The following ACSS2 variants were observed in gnomAD, a reference collection of about 807,000 sequenced individuals.
ACSS2 encodes acetyl-coenzyme A synthetase, cytoplasmic.
In ACSS2, 58 loss-of-function variants were observed where a neutral mutation model predicts 90.6. The ratio of observed to expected loss-of-function variants is 0.64; its 90% CI spans 0.52 to 0.80. ACSS2 has a LOEUF of 0.80. ACSS2 is among the 30% of genes least tolerant of loss of function. ACSS2 has a pLI of 0.00. For synonymous variants in ACSS2, 300 were observed against 330.9 expected (o/e 0.91, Z 1.01); for missense variants, 759 against 912.0 (o/e 0.83, Z 2.16).
intron 15 of ACSS2, 77 bp from the exon 16 acceptor site, chr20:34,926,028 C>G: frequency 2.0e-6 from 3 of 1,505,068 alleles, no homozygotes; most frequent in Non-Finnish European, 9.2e-7. Context: ...ACCAGGACTG[C>G]CCCATGGGTA....
rs2081335052 is a variant in ACSS2 at position 34,927,005 on chromosome 20, G to A, written c.1978+54G>A. 3 of 1,613,956 alleles carry A rather than the reference G, an allele frequency of 1.9e-6. No homozygotes were observed. Among genetic ancestry groups the A allele is most frequent in the South Asian group, 1.1e-5 (1 of 91,078 alleles). ...ATGGGCTGAGGCCTGGTGGTGGTGGGGTGTGCGTGGATGAAAGCCTTTGGC... is the reference window on the plus strand; with the variant it reads ...ATGGGCTGAGGCCTGGTGGTGGTGGAGTGTGCGTGGATGAAAGCCTTTGGC... On this transcript the variant is annotated intron_variant, in intron 17 of 17. Coordinates refer to ENST00000360596, the MANE Select transcript of ACSS2 (RefSeq NM_018677.4). This position sits in a 1 kb window ranked among gnomAD's most constrained non-coding sequence, Gnocchi z 4.2.
chr20:34,924,360 T>C (rs1208456193), intron 14 of ACSS2, among the ~76,000 whole-genome samples: 1 of 152,026 alleles, frequency 6.6e-6, no homozygotes, highest in East Asian at 1.9e-4. Context: ...TTAAGAAAAA[T>C]AAACAGGGTA....
Position 34,927,699 on chromosome 20 carries a change from A to C in ACSS2, c.*485A>C, listed in dbSNP as rs527588046. On this transcript the variant is annotated 3_prime_UTR_variant, in exon 18 of 18. Transcript: ENST00000360596. This position sits in a 1 kb window ranked among gnomAD's most constrained non-coding sequence, Gnocchi z 4.2. ...GGGTCTGAATTCCCTTTTGTGCCAG[A>C]TGCCAGTACTGTCTGCCCATTGGCT... is the stretch of plus-strand genomic sequence containing the variant. 1.2e-5 allele frequency: 2 copies of C among 166,758 alleles called. No individual in the cohort carries two copies. The highest frequency in any genetic ancestry group is 3.1e-4 in the South Asian group (2 of 6,428). The allele number at this position is 166,758 out of a possible 1,614,324, so 10.3% of individuals were successfully genotyped here.
chr20:34,889,046 C>A (rs1418584178), intron 2 of ACSS2, among the ~76,000 whole-genome samples: 5 of 151,496 alleles, frequency 3.3e-5, no homozygotes, highest in Non-Finnish European at 7.4e-5. Context: ...GCTCTGTTGC[C>A]CAGGCTGGAA....
chr20:34,889,006 C>CTTT (rs71299220), intron 2 of ACSS2, among the ~76,000 whole-genome samples: 6 of 141,898 alleles, frequency 4.2e-5, no homozygotes, highest in Admixed American at 7.0e-5. Flanking sequence ...ACTAGACAAT[C>CTTT]TTTTTTTTTT....
intron 2 of ACSS2, among the ~76,000 whole-genome samples, chr20:34,896,949 G>C (rs1471234227): frequency 6.6e-6 from 1 of 151,992 alleles, no homozygotes; most frequent in Non-Finnish European, 1.5e-5. Flanking sequence ...AGAATTGCTT[G>C]AACCCGGGAG....
At chr20:34,902,393 G>A (rs2147037927) in intron 2 of ACSS2, among the ~76,000 whole-genome samples, 1 of 152,304 alleles carries the variant, frequency 6.6e-6, no homozygotes, top group Non-Finnish European at 1.5e-5. Flanking sequence ...AAAATAAGCA[G>A]TGTTATGATG....
chr20:34,913,896 G>A (rs2081020412), intron 5 of ACSS2, 71 bp downstream of exon 5: 1 of 1,508,922 alleles, frequency 6.6e-7, no homozygotes, highest in Admixed American at 1.7e-5. Context: ...CAGCTCATTG[G>A]TATTTGGGGC....
In ACSS2 at chr20:34,927,477, A is replaced by G. The variant is rs752765793; in HGVS notation, c.*263A>G. 4 of 509,840 alleles carry G rather than the reference A, an allele frequency of 7.8e-6. No individual in the cohort carries two copies. In the South Asian group the frequency reaches 9.9e-5, roughly 13 times the overall value. 31.6% of individuals were successfully genotyped at this position (509,840 alleles called of 1,614,324 possible). A position where few individuals can be genotyped will look rare whatever the true frequency, so the allele number is the denominator to read the frequency against. On this transcript the variant is annotated 3_prime_UTR_variant, in exon 18 of 18. Transcript: ENST00000360596. The surrounding 1 kb of genome is among the most constrained non-coding windows in gnomAD (Gnocchi z 4.2). ...AACCCAGAACAGAGACGAAAAGGCT[A>G]CCTCTCCTACCCAAGTTAAGTGTTC...
At chr20:34,914,215 C>G in intron 6 of ACSS2, 44 bp downstream of exon 6, 1 of 1,611,570 alleles carries the variant, frequency 6.2e-7, no homozygotes. Flanking sequence ...AGCCTTTCCC[C>G]AGTGCCAGGT....
At chr20:34,881,192 AT>A (rs752124623) in intron 1 of ACSS2, among the ~76,000 whole-genome samples, 322 of 137,510 alleles carry the variant, frequency 2.3e-3, no homozygotes, top group Middle Eastern at 0.015. Flanking sequence ...ACACCTGGCA[AT>A]TTTTTTTTTT....
chr20:34,894,010 A>G (rs2080402546), intron 2 of ACSS2, among the ~76,000 whole-genome samples: 1 of 152,158 alleles, frequency 6.6e-6, no homozygotes, highest in Admixed American at 6.5e-5. Context: ...CTGCATTTCT[A>G]AGTGTGATTT....
At chr20:34,922,639 T>G (rs145469678) in intron 13 of ACSS2, among the ~76,000 whole-genome samples, 14 of 152,318 alleles carry the variant, frequency 9.2e-5, no homozygotes, top group African/African-American at 3.4e-4. Flanking sequence ...CTATGGTTGC[T>G]TGCTTGATTG....
chr20:34,907,702 G>A (rs1001345335), intron 2 of ACSS2, among the ~76,000 whole-genome samples: 11 of 152,326 alleles, frequency 7.2e-5, no homozygotes, highest in East Asian at 1.9e-4. Context: ...AGCCATAACC[G>A]GAGACGTTCT....
At chr20:34,895,711 A>T (rs905526577) in intron 2 of ACSS2, among the ~76,000 whole-genome samples, 7 of 152,174 alleles carry the variant, frequency 4.6e-5, no homozygotes, top group African/African-American at 1.4e-4. Flanking sequence ...AACGTGGGAG[A>T]AGGGTAATTG....
At position 34,925,833 on chromosome 20, in the gene ACSS2, T is replaced by C. The variant is rs1363298478; in HGVS notation, c.1726+67T>C. 2.6e-6 allele frequency: 4 copies of C among 1,547,512 alleles called. No individual in the cohort carries two copies. In the African/African-American group the frequency reaches 5.5e-5, roughly 21 times the overall value. On this transcript the variant is annotated intron_variant, in intron 15 of 17. Coordinates refer to ENST00000360596, the MANE Select transcript of ACSS2 (RefSeq NM_018677.4). Reference sequence around the variant, plus strand: ...CCTCTGACAACACCCAGCCGAAGCCTTCCGCAAGAGCCCAGGAGTGTCCTT... The same window carrying C: ...CCTCTGACAACACCCAGCCGAAGCCCTCCGCAAGAGCCCAGGAGTGTCCTT...
At chr20:34,916,391 T>C (rs1316494742) in intron 7 of ACSS2, among the ~76,000 whole-genome samples, 2 of 152,234 alleles carry the variant, frequency 1.3e-5, no homozygotes, top group African/African-American at 2.4e-5. Flanking sequence ...GTTTTGTCAA[T>C]ATATGTAAGG....
intron 1 of ACSS2, among the ~76,000 whole-genome samples, chr20:34,877,133 G>A (rs1440378196): frequency 6.6e-6 from 1 of 152,110 alleles, no homozygotes; most frequent in Non-Finnish European, 1.5e-5. Context: ...TCGGCCAAGA[G>A]AGTGAAAGTT....
At chr20:34,910,537 C>T (rs1011437647) in intron 2 of ACSS2, among the ~76,000 whole-genome samples, 3 of 152,108 alleles carry the variant, frequency 2.0e-5, no homozygotes, top group African/African-American at 7.2e-5. Flanking sequence ...TGCCCGTAGT[C>T]CCAGCTACTC....
Sources: gnomAD v4.1 joint callset for allele counts (sites outside exome capture counted in the v4.1 genomes callset) on GRCh38, gnomAD v4.1.1 for gene constraint, Gnocchi (gnomAD v3.1) non-coding constraint, MANE v1.5 for transcripts, NCBI Gene and HGNC (gene_info 2026-07-23, HGNC 2026-07-21) for gene names.